CNTNAP5: variants seen among roughly 807,000 people sequenced by gnomAD.
The protein encoded by CNTNAP5 is contactin associated protein family member 5, also known as contactin-associated protein-like 5.
Under a neutral mutation model 150.2 loss-of-function variants are expected in CNTNAP5, and 72 were observed. The ratio of observed to expected loss-of-function variants is 0.48; its 90% CI spans 0.40 to 0.58. The LOEUF is 0.58. CNTNAP5 is among the 20% of genes least tolerant of loss of function. The pLI is 0.00. For missense variants in CNTNAP5, 1,636 were observed against 1,626.2 expected (o/e 1.01, Z -0.10); for synonymous variants, 672 against 619.8 (o/e 1.08, Z -1.25).
At chr2:124,639,209 G>C (rs1678038945) in intron 12 of CNTNAP5, among the ~76,000 whole-genome samples, 1 of 152,198 alleles carries the variant, frequency 6.6e-6, no homozygotes, top group Admixed American at 6.5e-5. Flanking sequence ...TGAGGAAACA[G>C]GTTGTTGTAA....
At chr2:124,149,544 C>G (rs769848548) in intron 1 of CNTNAP5, among the ~76,000 whole-genome samples, 1 of 151,804 alleles carries the variant, frequency 6.6e-6, no homozygotes, top group African/African-American at 2.4e-5. Context: ...GCAACCAGGG[C>G]AAATAACACA....
chr2:124,406,465 A>G (rs1405099363), intron 3 of CNTNAP5, among the ~76,000 whole-genome samples: 1 of 152,206 alleles, frequency 6.6e-6, no homozygotes, highest in African/African-American at 2.4e-5. Flanking sequence ...CAAACATTAC[A>G]AGATATTATT....
intron 13 of CNTNAP5, among the ~76,000 whole-genome samples, chr2:124,682,170 C>A (rs1356864669): frequency 6.6e-6 from 1 of 152,160 alleles, no homozygotes; most frequent in African/African-American, 2.4e-5. Flanking sequence ...ATGAATGCAA[C>A]CTTGAAGATT....
intron 8 of CNTNAP5, among the ~76,000 whole-genome samples, chr2:124,509,569 A>G (rs555382738): frequency 6.6e-6 from 1 of 152,334 alleles, no homozygotes; most frequent in African/African-American, 2.4e-5. Context: ...ACCAACATAC[A>G]TAGAAAGAAA....
intron 11 of CNTNAP5, among the ~76,000 whole-genome samples, chr2:124,588,904 C>T (rs1227244961): frequency 3.9e-5 from 6 of 152,050 alleles, no homozygotes; most frequent in Non-Finnish European, 7.4e-5. Context: ...TTGCCCTAAT[C>T]AGACACCACA....
At chr2:124,695,638 T>C (rs529245497) in intron 13 of CNTNAP5, among the ~76,000 whole-genome samples, 4 of 152,262 alleles carry the variant, frequency 2.6e-5, no homozygotes, top group African/African-American at 9.6e-5. Context: ...ATGCAAAGGG[T>C]ATGTTAACAT....
At chr2:124,462,091 G>A (rs578233603) in intron 6 of CNTNAP5, among the ~76,000 whole-genome samples, 2 of 152,052 alleles carry the variant, frequency 1.3e-5, no homozygotes, top group African/African-American at 4.8e-5. Flanking sequence ...AAATATAAAA[G>A]GAGGACACAG....
At chr2:124,897,270 G>A (rs1678325282) in intron 21 of CNTNAP5, among the ~76,000 whole-genome samples, 1 of 151,466 alleles carries the variant, frequency 6.6e-6, no homozygotes, top group Non-Finnish European at 1.5e-5. Flanking sequence ...TTTGTCAGGG[G>A]TCTCTTTTAT....
At chr2:124,272,619 T>A (rs1038755144) in intron 3 of CNTNAP5, among the ~76,000 whole-genome samples, 2 of 152,178 alleles carry the variant, frequency 1.3e-5, no homozygotes, top group African/African-American at 4.8e-5. Flanking sequence ...GTGAATTAAA[T>A]AAATTTGAAT....
chr2:124,387,669 G>A (rs1054733682), intron 3 of CNTNAP5, among the ~76,000 whole-genome samples: 4 of 152,140 alleles, frequency 2.6e-5, no homozygotes, highest in Non-Finnish European at 5.9e-5. Flanking sequence ...TGATCAGTTA[G>A]GGTGGGGCAG....
In CNTNAP5 at chr2:124,919,276, A is replaced by C. The variant is rs865779615; in HGVS notation, c.*4988A>C. Among the ~76,000 whole-genome samples the C allele has an allele frequency of 1.4e-4, 22 of 152,120 alleles. No homozygotes were observed. The highest frequency in any genetic ancestry group is 7.2e-4 in the Admixed American group (11 of 15,248). ...TTTGAATCCTTCATATAAGGTTTTA[A>C]TAATTAACCGGTTTGCTATTTTTCA... On this transcript the variant is annotated 3_prime_UTR_variant, in exon 24 of 24. Transcript: ENST00000682447.
At chr2:124,578,510 G>A (rs949189349) in intron 11 of CNTNAP5, among the ~76,000 whole-genome samples, 8 of 152,060 alleles carry the variant, frequency 5.3e-5, no homozygotes, top group African/African-American at 1.9e-4. Flanking sequence ...CTCCCCAGAG[G>A]GAGACAGCAT....
chr2:124,111,337 T>C (rs1052104378), intron 1 of CNTNAP5, among the ~76,000 whole-genome samples: 5 of 152,158 alleles, frequency 3.3e-5, no homozygotes, highest in African/African-American at 1.2e-4. Flanking sequence ...AGAAATTACA[T>C]GTAGCCACTG....
At chr2:124,114,398 CTT>C (rs1221651157) in intron 1 of CNTNAP5, among the ~76,000 whole-genome samples, 10 of 151,846 alleles carry the variant, frequency 6.6e-5, no homozygotes, top group African/African-American at 2.2e-4. Context: ...TAAATTGTAT[CTT>C]ATTTAAAAAT....
In CNTNAP5 at chr2:124,859,533, A is replaced by G. The variant is rs562622686; in HGVS notation, c.3218-5773A>G. Among the ~76,000 whole-genome samples the G allele has an allele frequency of 1.4e-4, 21 of 152,320 alleles. No individual in the cohort carries two copies. In the East Asian group the frequency reaches 4.1e-3, roughly 29 times the overall value. ...TCAGGGATCTAGAACTAGAAATACC[A>G]TTTGACCCAGCCGTCCCATTACTGG... On this transcript the variant is annotated intron_variant, in intron 19 of 23. Transcript: ENST00000682447.
chr2:124,540,436 G>A (rs1695350830), intron 10 of CNTNAP5, among the ~76,000 whole-genome samples: 1 of 152,152 alleles, frequency 6.6e-6, no homozygotes, highest in Non-Finnish European at 1.5e-5. Context: ...TGTGAATTCT[G>A]ATGCACACTT....
At chr2:124,789,866 T>C (rs1681684646) in intron 17 of CNTNAP5, 36 bp from the exon 18 acceptor site, 5 of 1,604,106 alleles carry the variant, frequency 3.1e-6, no homozygotes, top group Non-Finnish European at 4.3e-6. Flanking sequence ...AGCCCTATAA[T>C]ACCTTACATT....
At chr2:124,430,775 C>G (rs1375698953) in intron 4 of CNTNAP5, among the ~76,000 whole-genome samples, 1 of 152,182 alleles carries the variant, frequency 6.6e-6, no homozygotes, top group African/African-American at 2.4e-5. Context: ...TGCACGCCTA[C>G]TCAGTGTGAT....
chr2:124,340,541 G>A (rs1386819317), intron 3 of CNTNAP5, among the ~76,000 whole-genome samples: 1 of 152,010 alleles, frequency 6.6e-6, no homozygotes, highest in Non-Finnish European at 1.5e-5. Flanking sequence ...GCAACAAGTT[G>A]TGGGAAGGTA....
Sources: gnomAD v4.1 joint callset for allele counts (sites outside exome capture counted in the v4.1 genomes callset) on GRCh38, gnomAD v4.1.1 for gene constraint, MANE v1.5 for transcripts, NCBI Gene and HGNC (gene_info 2026-07-23, HGNC 2026-07-21) for gene names.